The following BORCS5 variants were observed in gnomAD, a reference collection of about 807,000 sequenced individuals.
The protein encoded by BORCS5 is BLOC-1 related complex subunit 5.
Under a neutral mutation model 22.1 loss-of-function variants are expected in BORCS5, and 17 were observed. That is an observed-to-expected ratio of 0.77 (90% CI 0.53 to 1.15). The LOEUF (loss-of-function observed/expected upper bound fraction) is 1.15. Among genes scored for constraint, BORCS5 ranks in the 50% most tolerant of loss-of-function variants. BORCS5 has a pLI of 0.00. For missense variants in BORCS5, 247 were observed against 253.2 expected (o/e 0.98, Z 0.17); for synonymous variants, 117 against 99.8 (o/e 1.17, Z -1.03).
In BORCS5 at chr12:12,357,136, C is replaced by A. The variant is rs917823390; in HGVS notation, c.-316C>A. ...GTGAACCAGTGAGTGAAAGCGGCGC[C>A]GCCCGCCGGCCGCAGGTGCGGCAAA... On this transcript the variant is annotated 5_prime_UTR_variant, in exon 1 of 4. Transcript: ENST00000314565. 2.0e-6 allele frequency: 3 copies of A among 1,527,686 alleles called. No homozygotes were observed. Among genetic ancestry groups the A allele is most frequent in the Admixed American group, 2.0e-5 (1 of 50,708 alleles). The allele number at this position is 1,527,686 out of a possible 1,614,324, so 94.6% of individuals were successfully genotyped here.
At chr12:12,360,036 AT>A (rs2136012267) in intron 1 of BORCS5, among the ~76,000 whole-genome samples, 1 of 152,176 alleles carries the variant, frequency 6.6e-6, no homozygotes, top group Non-Finnish European at 1.5e-5. Context: ...AAAAGAAAAT[AT>A]TTAGTTATGA....
intron 2 of BORCS5, among the ~76,000 whole-genome samples, chr12:12,390,903 G>A (rs569282321): frequency 1.9e-4 from 29 of 152,094 alleles, no homozygotes; most frequent in South Asian, 1.9e-3. Flanking sequence ...CACCACGCCC[G>A]GCCTAAACTG....
chr12:12,398,708 G>A (rs1164273311), intron 2 of BORCS5, among the ~76,000 whole-genome samples: 1 of 152,154 alleles, frequency 6.6e-6, no homozygotes, highest in Non-Finnish European at 1.5e-5. Context: ...AACACTAGGA[G>A]GCAATACTGT....
chr12:12,438,365 A>AAAAACAAAAAAAAAAAAAAC (rs1320971459), intron 3 of BORCS5, among the ~76,000 whole-genome samples: 3 of 118,078 alleles, frequency 2.5e-5, no homozygotes, highest in African/African-American at 1.3e-4. Context: ...CATCTCAAAA[A>AAAAACAAAAAAAAAAAAAAC]AAAAAAAAAA....
At chr12:12,438,590 C>A (rs61913533) in intron 3 of BORCS5, among the ~76,000 whole-genome samples, 20,129 of 151,920 alleles carry the variant, frequency 0.13, 1,754 homozygotes, top group Middle Eastern at 0.23. Flanking sequence ...TAAAATTACT[C>A]GGAAGTTTTT....
intron 2 of BORCS5, among the ~76,000 whole-genome samples, chr12:12,419,483 T>G (rs1942057799): frequency 6.6e-6 from 1 of 152,252 alleles, no homozygotes; most frequent in Non-Finnish European, 1.5e-5. Flanking sequence ...TTTGCTGTTG[T>G]GAATAGTGCC....
intron 3 of BORCS5, among the ~76,000 whole-genome samples, chr12:12,455,281 C>T (rs1019897496): frequency 1.3e-5 from 2 of 152,204 alleles, no homozygotes; most frequent in Non-Finnish European, 2.9e-5. Flanking sequence ...CTTGAACCAT[C>T]CATCATGCCT....
intron 2 of BORCS5, among the ~76,000 whole-genome samples, chr12:12,408,251 CT>C (rs1387466433): frequency 2.6e-5 from 4 of 152,212 alleles, no homozygotes. Flanking sequence ...AATAATGCTG[CT>C]GTGAACATTG....
chr12:12,430,061 C>T (rs894344694), intron 2 of BORCS5, among the ~76,000 whole-genome samples: 4 of 151,950 alleles, frequency 2.6e-5, no homozygotes, highest in African/African-American at 9.7e-5. Context: ...AGGTGCTCTA[C>T]TAGACATGAG....
intron 3 of BORCS5, among the ~76,000 whole-genome samples, chr12:12,464,004 C>T (rs929090981): frequency 6.6e-6 from 1 of 152,106 alleles, no homozygotes; most frequent in African/African-American, 2.4e-5. Context: ...TCCCACGAGC[C>T]CCGCTGTCTC....
At chr12:12,371,452 C>G (rs964702171) in intron 2 of BORCS5, among the ~76,000 whole-genome samples, 2 of 152,086 alleles carry the variant, frequency 1.3e-5, no homozygotes, top group African/African-American at 4.8e-5. Flanking sequence ...CCACCACGCC[C>G]AACTAATCTT....
chr12:12,458,993 G>C (rs1943052691), intron 3 of BORCS5, among the ~76,000 whole-genome samples: 1 of 151,754 alleles, frequency 6.6e-6, no homozygotes, highest in Admixed American at 6.6e-5. Flanking sequence ...AAAAAAAAGA[G>C]AGAGATAGTC....
chr12:12,415,660 G>GT (rs1941927221), intron 2 of BORCS5, among the ~76,000 whole-genome samples: 1 of 150,606 alleles, frequency 6.6e-6, no homozygotes, highest in African/African-American at 2.4e-5. Flanking sequence ...AATCATCCTT[G>GT]TGTTCCAGGA....
intron 3 of BORCS5, among the ~76,000 whole-genome samples, chr12:12,453,646 A>AAG (rs1942952257): frequency 6.6e-6 from 1 of 152,190 alleles, no homozygotes; most frequent in African/African-American, 2.4e-5. Flanking sequence ...GAAGGAATTG[A>AAG]ATGTATTTGA....
chr12:12,406,860 G>T (rs991709874), intron 2 of BORCS5, among the ~76,000 whole-genome samples: 19 of 151,728 alleles, frequency 1.3e-4, no homozygotes, highest in African/African-American at 4.6e-4. Context: ...GGGAAGGAAA[G>T]AATCCCTGAG....
intron 2 of BORCS5, among the ~76,000 whole-genome samples, chr12:12,388,889 C>T (rs1863939392): frequency 8.9e-6 from 1 of 112,084 alleles, no homozygotes; most frequent in South Asian, 2.5e-4. Flanking sequence ...ATTCTTTTAG[C>T]AATGGTTGAA....
chr12:12,469,488 T>C lies in BORCS5; in HGVS notation c.*3712T>C, dbSNP rs1592150555. The C allele has an allele frequency of 6.6e-6, 1 of 152,274 alleles. No homozygotes were observed. The highest frequency in any genetic ancestry group is 6.5e-5 in the Admixed American group (1 of 15,288). 9.4% of individuals were successfully genotyped at this position (152,274 alleles called of 1,614,324 possible). Reference sequence around the variant, plus strand: ...CTTCTTCAGTTATGAAAGAGGTTGGTACTGTTACCCTTACGTTATAGGTAT... The same window carrying C: ...CTTCTTCAGTTATGAAAGAGGTTGGCACTGTTACCCTTACGTTATAGGTAT... On this transcript the variant is annotated 3_prime_UTR_variant, in exon 4 of 4. Coordinates refer to ENST00000314565, the MANE Select transcript of BORCS5 (RefSeq NM_058169.6).
At chr12:12,461,417 C>G (rs1460723802) in intron 3 of BORCS5, among the ~76,000 whole-genome samples, 2 of 152,044 alleles carry the variant, frequency 1.3e-5, no homozygotes, top group Non-Finnish European at 2.9e-5. Context: ...AGTGGTCCTC[C>G]TACCTCAGCC....
intron 2 of BORCS5, among the ~76,000 whole-genome samples, chr12:12,376,162 A>G (rs753375113): frequency 3.3e-4 from 50 of 151,812 alleles, no homozygotes; most frequent in Non-Finnish European, 5.9e-4. Context: ...GTAAATATTT[A>G]TGAACAAAAA....
Sources: gnomAD v4.1 joint callset for allele counts (sites outside exome capture counted in the v4.1 genomes callset) on GRCh38, gnomAD v4.1.1 for gene constraint, MANE v1.5 for transcripts, NCBI Gene and HGNC (gene_info 2026-07-23, HGNC 2026-07-21) for gene names.